CUX1: variants seen among roughly 807,000 people sequenced by gnomAD.
CUX1 encodes protein CASP.
A neutral mutation model predicts 158.8 loss-of-function variants in CUX1; 31 were observed. The observed-to-expected ratio is 0.20, with a 90% CI of 0.15 to 0.26. The LOEUF (loss-of-function observed/expected upper bound fraction) is 0.26, where lower values mean the gene tolerates loss of function less well. CUX1 is among the 10% of genes least tolerant of loss of function. The pLI, the probability that CUX1 is intolerant of heterozygous loss-of-function variation, is 1.00. For synonymous variants in CUX1, 879 were observed against 862.1 expected, an observed-to-expected ratio of 1.02 and a Z score of -0.34; for missense variants, 1,589 against 2,014.6, an observed-to-expected ratio of 0.79 and a Z score of 4.04.
chr7:102,192,680 G>T (rs1224153870), intron 12 of CUX1, among the ~76,000 whole-genome samples: 3 of 152,102 alleles, frequency 2.0e-5, no homozygotes, highest in African/African-American at 7.2e-5. Context: ...CACACTAGGG[G>T]GACAGAGGCC....
At chr7:102,094,346 C>T (rs1487944672) in intron 4 of CUX1, among the ~76,000 whole-genome samples, 8 of 152,176 alleles carry the variant, frequency 5.3e-5, no homozygotes, top group African/African-American at 1.9e-4. Context: ...AGCTTTGCTA[C>T]ATAGGCATTA....
At chr7:101,816,470 C>G (rs1476901874), upstream of CUX1, among the ~76,000 whole-genome samples, 2 of 139,782 alleles carry the variant, frequency 1.4e-5, no homozygotes, top group Non-Finnish European at 3.2e-5. Context: ...GGGGCGGCCC[C>G]GGCGGCCCGC....
intron 23 of CUX1, 29 bp downstream of exon 23, chr7:102,239,613 G>A (rs373422458): frequency 5.0e-6 from 8 of 1,597,408 alleles, no homozygotes; most frequent in African/African-American, 2.7e-5. Context: ...AGGGAGCGCC[G>A]GTCGGCCCAG....
rs189230009 is a variant in CUX1, at chr7:102,043,762, G to C, written c.189+15617G>C. On this transcript the variant is annotated intron_variant, in intron 3 of 23. Coordinates refer to ENST00000292535, the MANE Select transcript of CUX1 (RefSeq NM_181552.4). ...GTGTTGCTGGATCGTATTAATTTTGGGGGGAACCTCCGTACTGTTTCCCAT... is the reference window on the plus strand; with the variant it reads ...GTGTTGCTGGATCGTATTAATTTTGCGGGGAACCTCCGTACTGTTTCCCAT... Among the ~76,000 whole-genome samples the C allele has an allele frequency of 1.2e-3, 178 of 152,044 alleles. 1 individual carries two copies. The highest frequency in any genetic ancestry group is 4.1e-3 in the African/African-American group (172 of 41,468).
chr7:101,900,873 C>T (rs1441896806), intron 1 of CUX1, among the ~76,000 whole-genome samples: 2 of 152,154 alleles, frequency 1.3e-5, no homozygotes, highest in Non-Finnish European at 2.9e-5. Flanking sequence ...CATCCGAACC[C>T]CAGAGCATAT....
chr7:102,164,862 A>T (rs147174385), intron 9 of CUX1, among the ~76,000 whole-genome samples: 2 of 152,062 alleles, frequency 1.3e-5, no homozygotes, highest in Non-Finnish European at 2.9e-5. Context: ...TTTAATGGCC[A>T]TGCAAGCAGA....
At chr7:101,875,359 G>A (rs904179030) in intron 1 of CUX1, among the ~76,000 whole-genome samples, 11 of 152,152 alleles carry the variant, frequency 7.2e-5, no homozygotes, top group African/African-American at 2.4e-4. Flanking sequence ...GATTTCAGCT[G>A]CTTTGCATTA....
At position 102,154,867 on chromosome 7, in the gene CUX1, G is replaced by C. The variant is rs141464737; in HGVS notation, c.675-3693G>C. 3.2e-3 allele frequency among the ~76,000 whole-genome samples: 483 copies of C among 152,250 alleles called. 3 individuals carry two copies. The highest frequency in any genetic ancestry group is 0.011 in the African/African-American group (470 of 41,532). On this transcript the variant is annotated intron_variant, in intron 8 of 23. Coordinates refer to ENST00000292535, the MANE Select transcript of CUX1 (RefSeq NM_181552.4). Reference sequence around the variant, plus strand: ...GCACACTGGAGCCATTAGGAAAAGTGCTCACCTAGACCCACATTCAGTGTC... The same window carrying C: ...GCACACTGGAGCCATTAGGAAAAGTCCTCACCTAGACCCACATTCAGTGTC...
intron 2 of CUX1, among the ~76,000 whole-genome samples, chr7:101,939,462 C>T (rs1807427502): frequency 6.6e-6 from 1 of 152,118 alleles, no homozygotes; most frequent in Non-Finnish European, 1.5e-5. Context: ...AGCCCCACAC[C>T]TAACCCTCGT....
intron 4 of CUX1, among the ~76,000 whole-genome samples, chr7:102,071,857 G>A (rs1826173776): frequency 6.6e-6 from 1 of 152,186 alleles, no homozygotes; most frequent in African/African-American, 2.4e-5. Context: ...CTGTAAAATG[G>A]AACAGGGTCA....
At chr7:101,894,938 G>A (rs1801305959) in intron 1 of CUX1, among the ~76,000 whole-genome samples, 1 of 152,046 alleles carries the variant, frequency 6.6e-6, no homozygotes, top group Non-Finnish European at 1.5e-5. Flanking sequence ...CTGAGTGCTG[G>A]GATGGTGACC....
At chr7:102,180,614 G>A (rs1302589264) in intron 11 of CUX1, among the ~76,000 whole-genome samples, 8 of 149,512 alleles carry the variant, frequency 5.4e-5, no homozygotes, top group African/African-American at 1.7e-4. Flanking sequence ...GGCATGAGCC[G>A]CTGCACCTGG....
intron 3 of CUX1, among the ~76,000 whole-genome samples, chr7:102,060,871 A>G (rs1824774363): frequency 1.3e-5 from 2 of 148,772 alleles, no homozygotes; most frequent in Admixed American, 1.3e-4. Context: ...CTCAGCCTCC[A>G]AAAGCACTGC....
At chr7:102,193,989 C>A (rs1794542389) in intron 13 of CUX1, 99 bp downstream of exon 13, 5 of 1,176,538 alleles carry the variant, frequency 4.2e-6, no homozygotes, top group South Asian at 1.3e-5. Context: ...TTCTACGAGA[C>A]CTCTCACTTA....
At chr7:102,166,199 T>C (rs562754658) in intron 9 of CUX1, among the ~76,000 whole-genome samples, 1 of 152,346 alleles carries the variant, frequency 6.6e-6, no homozygotes, top group African/African-American at 2.4e-5. Context: ...TTTTCTGCCA[T>C]CGTGGTCTGG....
At chr7:101,962,237 T>G (rs1810590165) in intron 2 of CUX1, among the ~76,000 whole-genome samples, 1 of 152,172 alleles carries the variant, frequency 6.6e-6, no homozygotes, top group South Asian at 2.1e-4. Flanking sequence ...TTTTAATATT[T>G]CCCTGCAATT....
intron 20 of CUX1, among the ~76,000 whole-genome samples, chr7:102,220,678 G>A (rs552399034): frequency 6.6e-6 from 1 of 152,200 alleles, no homozygotes; most frequent in South Asian, 2.1e-4. Flanking sequence ...CTCAGAGCCT[G>A]CCGTGCATCC....
At chr7:101,817,542 C>A, upstream of CUX1, 1 of 1,263,596 alleles carries the variant, frequency 7.9e-7, no homozygotes, top group Non-Finnish European at 1.0e-6. This position sits in a 1 kb window ranked among gnomAD's most constrained non-coding sequence, Gnocchi z 4.1. Context: ...CTGCCTGCCA[C>A]CCCCCGCCCG....
chr7:102,251,183 A>G lies in CUX1; in HGVS notation c.*2141A>G, dbSNP rs1801468821. On this transcript the variant is annotated 3_prime_UTR_variant, in exon 24 of 24. Coordinates refer to ENST00000292535, the MANE Select transcript of CUX1 (RefSeq NM_181552.4). ...CTTTGTCTTAGGTCAACATCTTTGGATGACATTTTAATGGTGCATTCATTA... is the reference window on the plus strand; with the variant it reads ...CTTTGTCTTAGGTCAACATCTTTGGGTGACATTTTAATGGTGCATTCATTA... 19 of 982,668 alleles carry G rather than the reference A, an allele frequency of 1.9e-5. No individual in the cohort carries two copies. The highest frequency in any genetic ancestry group is 2.2e-5 in the Non-Finnish European group (18 of 828,688). The allele number at this position is 982,668 out of a possible 1,614,324, so 60.9% of individuals were successfully genotyped here.
Sources: gnomAD v4.1 joint callset for allele counts (sites outside exome capture counted in the v4.1 genomes callset) on GRCh38, gnomAD v4.1.1 for gene constraint, Gnocchi (gnomAD v3.1) non-coding constraint, MANE v1.5 for transcripts, NCBI Gene and HGNC (gene_info 2026-07-23, HGNC 2026-07-21) for gene names.